The following CEP162 variants were observed in gnomAD, a reference collection of about 807,000 sequenced individuals.
The protein encoded by CEP162 is centrosomal protein of 162 kDa.
In CEP162, 141 loss-of-function variants were observed where a neutral mutation model predicts 169.2. That is an observed-to-expected ratio of 0.83 (90% CI 0.73 to 0.96). The LOEUF is 0.96. CEP162 is among the 40% of genes least tolerant of loss of function. The pLI, the probability that CEP162 is intolerant of heterozygous loss-of-function variation, is 0.00. For synonymous variants in CEP162, 540 were observed against 526.4 expected, an observed-to-expected ratio of 1.03 and a Z score of -0.35; for missense variants, 1,600 against 1,587.2, an observed-to-expected ratio of 1.01 and a Z score of -0.14.
intron 24 of CEP162, among the ~76,000 whole-genome samples, chr6:84,147,487 T>A (rs2099519403): frequency 1.3e-5 from 2 of 152,062 alleles, no homozygotes; most frequent in African/African-American, 4.8e-5. Flanking sequence ...AGAGAGAGTT[T>A]GAAGTGATAC....
chr6:84,164,552 T>C (rs2099527048), intron 18 of CEP162, among the ~76,000 whole-genome samples: 1 of 152,146 alleles, frequency 6.6e-6, no homozygotes. Flanking sequence ...TGCAGGGCCA[T>C]GGATGAAGCC....
intron 25 of CEP162, among the ~76,000 whole-genome samples, chr6:84,143,430 G>A (rs1360642418): frequency 6.6e-6 from 1 of 151,796 alleles, no homozygotes; most frequent in East Asian, 1.9e-4. Context: ...TAAAGATAAG[G>A]GAAACAACTT....
At position 84,204,836 on chromosome 6, in the gene CEP162, A is replaced by G. The variant is rs186443530; in HGVS notation, c.572-740T>C. On this transcript the variant is annotated intron_variant, in intron 6 of 26. Coordinates refer to ENST00000403245, the MANE Select transcript of CEP162 (RefSeq NM_014895.4). ...ACAAAATTGATAGACTGCTAGCAAG[A>G]CTAATAAAGAAGAGAGAAGAATCAA... 4.4e-3 allele frequency among the ~76,000 whole-genome samples: 675 copies of G among 152,272 alleles called. 13 individuals carry two copies. Among genetic ancestry groups the G allele is most frequent in the Non-Finnish European group, 9.4e-4 (64 of 68,016 alleles).
intron 13 of CEP162, among the ~76,000 whole-genome samples, chr6:84,183,588 C>A (rs1562053452): frequency 6.6e-6 from 1 of 152,154 alleles, no homozygotes; most frequent in Non-Finnish European, 1.5e-5. Context: ...GTCAATGGAT[C>A]GTACCTGTTG....
chr6:84,193,992 A>G (rs781465644), intron 10 of CEP162, among the ~76,000 whole-genome samples: 3 of 152,212 alleles, frequency 2.0e-5, no homozygotes, highest in Non-Finnish European at 4.4e-5. Context: ...TACAACTTTA[A>G]TATACGTACA....
In CEP162 at chr6:84,125,232, T is replaced by C. The variant is rs147600217; in HGVS notation, c.4050A>G (p.Lys1350=). ...CCAGTCTTTTCCATTTTTCAACTTC[T>C]TTGTTTTGCTCAGTTTCTACTACTT... ...THQVVETEQN[K]EVEKWKRLAQ... is the part of the protein sequence containing the mutation. The change falls in exon 27 of 27, where the codon AAA becomes AAG. Residue 1350 remains lysine (K), a synonymous_variant. Coordinates refer to ENST00000403245, the MANE Select transcript of CEP162 (RefSeq NM_014895.4). 4.4e-4 allele frequency: 715 copies of C among 1,613,434 alleles called. 3 individuals are homozygous for C. Among genetic ancestry groups the C allele is most frequent in the Non-Finnish European group, 1.7e-4 (197 of 1,179,668 alleles).
chr6:84,216,826 C>G (rs1265721899), intron 3 of CEP162, among the ~76,000 whole-genome samples: 1 of 152,016 alleles, frequency 6.6e-6, no homozygotes, highest in Non-Finnish European at 1.5e-5. Flanking sequence ...AAATGATTGA[C>G]CATGAGTTAA....
At chr6:84,144,596 C>T (rs932371702) in intron 25 of CEP162, among the ~76,000 whole-genome samples, 2 of 152,164 alleles carry the variant, frequency 1.3e-5, no homozygotes, top group East Asian at 1.9e-4. Context: ...CAAATACAGG[C>T]TTCTGATAAC....
intron 23 of CEP162, among the ~76,000 whole-genome samples, chr6:84,151,533 C>A (rs1472822122): frequency 6.6e-6 from 1 of 152,042 alleles, no homozygotes; most frequent in Non-Finnish European, 1.5e-5. Flanking sequence ...GGTTTCACAT[C>A]TGAACTCAGC....
intron 18 of CEP162, among the ~76,000 whole-genome samples, chr6:84,166,401 G>T (rs1243545710): frequency 6.6e-6 from 1 of 152,088 alleles, no homozygotes; most frequent in Non-Finnish European, 1.5e-5. Flanking sequence ...GAGCTTTCCT[G>T]TCCACACTAT....
chr6:84,129,404 CATT>C (rs1268374539), intron 25 of CEP162, among the ~76,000 whole-genome samples: 1 of 152,164 alleles, frequency 6.6e-6, no homozygotes, highest in Admixed American at 6.5e-5. Flanking sequence ...GATGGTATCT[CATT>C]GTGGTTTTGA....
rs1352246102 is a variant in CEP162, at chr6:84,153,024, G to A, written c.3150C>T (p.Asp1050=). 28 of 1,613,280 alleles carry A rather than the reference G, an allele frequency of 1.7e-5. No individual in the cohort carries two copies. The highest frequency in any genetic ancestry group is 4.0e-5 in the African/African-American group (3 of 74,860). ...ITVRNLEAEI[D]VLKHQNAELD... ...ATTCAGCATTCTGATGTTTAAGAACGTCTATTTCGGCTTCAAGGTTTCTTA... is the reference window on the plus strand; with the variant it reads ...ATTCAGCATTCTGATGTTTAAGAACATCTATTTCGGCTTCAAGGTTTCTTA... Residue 1050 remains aspartate (D), a synonymous_variant, in exon 23 of 27, where the codon GAC becomes GAT. Coordinates refer to ENST00000403245, the MANE Select transcript of CEP162 (RefSeq NM_014895.4).
At chr6:84,162,402 T>G (rs1398519541) in intron 19 of CEP162, among the ~76,000 whole-genome samples, 1 of 152,128 alleles carries the variant, frequency 6.6e-6, no homozygotes, top group Non-Finnish European at 1.5e-5. Flanking sequence ...GGGAAGCAAA[T>G]GTCATTTTCT....
intron 25 of CEP162, among the ~76,000 whole-genome samples, chr6:84,134,372 A>G (rs1171507243): frequency 6.6e-6 from 1 of 152,100 alleles, no homozygotes; most frequent in Non-Finnish European, 1.5e-5. Context: ...TCTTGCTGGC[A>G]TTCCAGGCGC....
intron 17 of CEP162, among the ~76,000 whole-genome samples, chr6:84,170,183 C>T (rs1262815990): frequency 6.6e-6 from 1 of 151,770 alleles, no homozygotes; most frequent in Non-Finnish European, 1.5e-5. Flanking sequence ...ACCATCCTGG[C>T]TAACATGGTG....
intron 25 of CEP162, among the ~76,000 whole-genome samples, chr6:84,132,796 C>A (rs1335538025): frequency 6.6e-6 from 1 of 152,088 alleles, no homozygotes; most frequent in Non-Finnish European, 1.5e-5. Flanking sequence ...AAACATCCTC[C>A]TTTACCTCGG....
chr6:84,226,209 C>G, intron 2 of CEP162, 128 bp downstream of exon 2: 1 of 644,824 alleles, frequency 1.6e-6, no homozygotes, highest in Non-Finnish European at 2.7e-6. Context: ...AGAAAAGGGA[C>G]AGGGCTAGAG....
At chr6:84,146,891 T>A in intron 24 of CEP162, 106 bp from the exon 25 acceptor site, 1 of 485,218 alleles carries the variant, frequency 2.1e-6, no homozygotes, top group East Asian at 3.3e-5. Flanking sequence ...ATACTGTTGG[T>A]GGGAATGTAA....
intron 7 of CEP162, 84 bp downstream of exon 7, chr6:84,203,897 T>C (rs952099614): frequency 3.3e-6 from 2 of 613,852 alleles, no homozygotes; most frequent in Non-Finnish European, 5.4e-6. Flanking sequence ...AAGAACTCCA[T>C]TTTTTGAGCT....
Sources: allele counts gnomAD v4.1 joint callset (sites outside exome capture counted in the v4.1 genomes callset), GRCh38; gene constraint gnomAD v4.1.1; transcripts MANE v1.5; gene names NCBI Gene and HGNC (gene_info 2026-07-23, HGNC 2026-07-21).